Variants in DPH5 observed in about 807,000 individuals in gnomAD.
DPH5 encodes the protein diphthamide biosynthesis 5.
DPH5 carries 31 observed loss-of-function variants against 31.6 expected under a neutral mutation model. That is an observed-to-expected ratio of 0.98 (90% confidence interval 0.74 to 1.32). The LOEUF is 1.32. Ranked by LOEUF, DPH5 falls within the 40% of genes most tolerant of loss-of-function variation. The pLI, the probability that DPH5 is intolerant of heterozygous loss-of-function variation, is 0.00. For missense variants in DPH5, 309 were observed against 335.7 expected (o/e 0.92, Z 0.62); for synonymous variants, 120 against 115.0 (o/e 1.04, Z -0.28).
chr1:101,021,806 G>A lies in DPH5; in HGVS notation c.136-41C>T, dbSNP rs762740454. The A allele has an allele frequency of 6.5e-6, 10 of 1,530,090 alleles. No individual in the cohort carries two copies. In the South Asian group the frequency reaches 1.2e-4, roughly 18 times the overall value. The allele number at this position is 1,530,090 out of a possible 1,614,324, so 94.8% of individuals were successfully genotyped here. A position where few individuals can be genotyped will look rare whatever the true frequency, so the allele number is the denominator to read the frequency against. Reference sequence around the variant, plus strand: ...CAATATCAAGATAAAGAGACAGCAGGTGACCATTCTAACACACACACACAC... The same window carrying A: ...CAATATCAAGATAAAGAGACAGCAGATGACCATTCTAACACACACACACAC... On this transcript the variant is annotated intron_variant, in intron 2 of 7. Coordinates refer to ENST00000370109, the MANE Select transcript of DPH5 (RefSeq NM_015958.3).
At position 100,990,537 on chromosome 1, in the gene DPH5, C is replaced by G. The variant is rs775630797; in HGVS notation, c.729G>C (p.Val243=). 2.5e-6 allele frequency: 4 copies of G among 1,614,108 alleles called. No homozygotes were observed. In the East Asian group the frequency reaches 8.9e-5, roughly 36 times the overall value. Residue 243 remains valine, a synonymous_variant, in exon 8 of 8, where the codon GTG becomes GTC. Transcript: ENST00000370109. ...AAGTLRQMCT[V]DLGEPLHSLI... is the part of the protein sequence containing the mutation. ...AGGAATGCAATGGTTCTCCCAAGTC[C>G]ACAGTGCACATTTGCCTTAAAGTGC... is the stretch of plus-strand genomic sequence containing the variant.
intron 5 of DPH5, chr1:100,996,365 A>G (rs955744760): frequency 2.6e-5 from 4 of 152,178 alleles, no homozygotes; most frequent in African/African-American, 9.7e-5. Flanking sequence ...ATAGAATCTG[A>G]TTTTTAAAAG....
At chr1:101,021,226 T>C (rs963448829) in intron 3 of DPH5, among the ~76,000 whole-genome samples, 1 of 152,100 alleles carries the variant, frequency 6.6e-6, no homozygotes, top group South Asian at 2.1e-4. Flanking sequence ...AAATAGTAGA[T>C]GATTACAAAA....
chr1:101,017,703 C>T (rs1660174199), intron 3 of DPH5, among the ~76,000 whole-genome samples: 1 of 152,164 alleles, frequency 6.6e-6, no homozygotes. Flanking sequence ...CCCCATGGAG[C>T]AGTCAGATAT....
chr1:101,013,686 G>C, intron 4 of DPH5, 24 bp downstream of exon 4: 1 of 1,459,756 alleles, frequency 6.9e-7, no homozygotes, highest in Non-Finnish European at 9.4e-7. Flanking sequence ...TAATTCCACT[G>C]AAAAACCTCC....
At chr1:101,015,524 AAT>A (rs1660015184) in intron 3 of DPH5, among the ~76,000 whole-genome samples, 1 of 152,202 alleles carries the variant, frequency 6.6e-6, no homozygotes. Context: ...GATTTAGCAT[AAT>A]TCTTACAGGA....
intron 3 of DPH5, among the ~76,000 whole-genome samples, chr1:101,015,000 C>T (rs1469006714): frequency 1.3e-5 from 2 of 152,230 alleles, no homozygotes; most frequent in African/African-American, 4.8e-5. Context: ...ACCATATCTA[C>T]AGTTACTTCC....
intron 4 of DPH5, among the ~76,000 whole-genome samples, chr1:101,002,530 G>A (rs975331087): frequency 6.6e-6 from 1 of 152,068 alleles, no homozygotes; most frequent in Non-Finnish European, 1.5e-5. Flanking sequence ...CTGAGCAAAG[G>A]ACATTTATTT....
intron 4 of DPH5, 147 bp downstream of exon 4, chr1:101,013,563 A>C: frequency 2.2e-6 from 1 of 452,798 alleles, no homozygotes; most frequent in Non-Finnish European, 3.8e-6. Flanking sequence ...GTGTTAAAAA[A>C]TTCAGTCTAT....
At chr1:101,006,828 T>C (rs1007558425) in intron 4 of DPH5, among the ~76,000 whole-genome samples, 2 of 152,174 alleles carry the variant, frequency 1.3e-5, no homozygotes, top group African/African-American at 4.8e-5. Flanking sequence ...GATGAACATA[T>C]GGCAATACTC....
intron 7 of DPH5, 77 bp downstream of exon 7, chr1:100,992,560 T>G: frequency 1.2e-3 from 1,227 of 982,820 alleles, no homozygotes; most frequent in Non-Finnish European, 1.7e-3. Context: ...CATAGTGGTA[T>G]GAGATATTAA....
intron 5 of DPH5, among the ~76,000 whole-genome samples, chr1:100,999,964 G>A (rs1413674546): frequency 1.3e-5 from 2 of 152,026 alleles, no homozygotes; most frequent in Non-Finnish European, 2.9e-5. Context: ...CTAACATGGT[G>A]AAACCCCATC....
chr1:101,008,780 G>A (rs1222705174), intron 4 of DPH5, among the ~76,000 whole-genome samples: 3 of 152,014 alleles, frequency 2.0e-5, no homozygotes, highest in South Asian at 2.1e-4. Context: ...AGCTAACTTC[G>A]TATAATTCAT....
intron 3 of DPH5, among the ~76,000 whole-genome samples, chr1:101,017,700 G>A (rs1168950536): frequency 1.3e-5 from 2 of 152,182 alleles, no homozygotes; most frequent in African/African-American, 4.8e-5. Flanking sequence ...TCACCCCATG[G>A]AGCAGTCAGA....
chr1:101,004,892 T>TA (rs1659118963), intron 4 of DPH5, among the ~76,000 whole-genome samples: 1 of 152,248 alleles, frequency 6.6e-6, no homozygotes, highest in African/African-American at 2.4e-5. Context: ...AAAATGGCAT[T>TA]AAGCCATTAC....
At chr1:101,021,524 TA>T in intron 3 of DPH5, 116 bp downstream of exon 3, 1 of 999,114 alleles carries the variant, frequency 1.0e-6, no homozygotes, top group Non-Finnish European at 1.4e-6. Flanking sequence ...AGCGCTTAAG[TA>T]ACCAGAGTTC....
At chr1:100,994,282 TAA>T (rs1658126076) in intron 6 of DPH5, among the ~76,000 whole-genome samples, 1 of 152,182 alleles carries the variant, frequency 6.6e-6, no homozygotes. Flanking sequence ...CAAACATACT[TAA>T]AAGTTTTCCA....
rs555661653 is a variant in DPH5, at chr1:100,999,128, T to C, written c.490+2339A>G. On this transcript the variant is annotated intron_variant, in intron 5 of 7. Transcript: ENST00000370109. ...TTTCTATCCTAAGAAATGCCAATCA[T>C]TAGTAAAAATGTATTATAATCTTTT... is the stretch of plus-strand genomic sequence containing the variant. 1.3e-5 allele frequency among the ~76,000 whole-genome samples: 2 copies of C among 152,342 alleles called. 1 individual carries two copies. The highest frequency in any genetic ancestry group is 4.1e-4 in the South Asian group (2 of 4,832).
chr1:101,014,547 G>A (rs1268359618), intron 3 of DPH5, among the ~76,000 whole-genome samples: 2 of 152,192 alleles, frequency 1.3e-5, no homozygotes, highest in Non-Finnish European at 2.9e-5. Context: ...GCTAGTGGAT[G>A]GTCTTGGCTC....
Sources: gnomAD v4.1 joint callset for allele counts (sites outside exome capture counted in the v4.1 genomes callset) on GRCh38, gnomAD v4.1.1 for gene constraint, MANE v1.5 for transcripts, NCBI Gene and HGNC (gene_info 2026-07-23, HGNC 2026-07-21) for gene names.